The following PARP6 variants were observed in gnomAD, a reference collection of about 807,000 sequenced individuals.
The protein encoded by PARP6 is poly(ADP-ribose) polymerase family member 6.
PARP6 carries 27 observed loss-of-function variants against 92.0 expected under a neutral mutation model. That is an observed-to-expected ratio of 0.29 (90% CI 0.22 to 0.40). The LOEUF is 0.40. Ranked by LOEUF, PARP6 falls within the 10% of genes least tolerant of loss-of-function variation. PARP6 has a pLI of 1.00. For synonymous variants in PARP6, 272 were observed against 281.2 expected (o/e 0.97, Z 0.33); for missense variants, 501 against 784.5 (o/e 0.64, Z 4.32).
chr15:72,253,583 T>C (rs1340503065), intron 15 of PARP6, 79 bp from the exon 16 acceptor site: 6 of 1,247,994 alleles, frequency 4.8e-6, no homozygotes, highest in African/African-American at 1.5e-5. Flanking sequence ...AGAGTGACTA[T>C]TAGGGTCCAG....
intron 3 of PARP6, chr15:72,267,108 T>G: frequency 2.0e-6 from 1 of 510,886 alleles, no homozygotes. Flanking sequence ...TGGTAGCCAG[T>G]AGGAAAGAAA....
In PARP6 at chr15:72,241,520, T is replaced by A. The variant is rs2083054659; in HGVS notation, c.1828A>T (p.Thr610Ser). ...TCCTTCTGTATCTTGGGGTCCTGAG[T>A]ATTAATGTTGGCATCGCCCACCTGA... ...DGQVGDANIN[T>S]QDPKIQKEIM... The change falls in exon 24 of 24, where the codon ACT becomes TCT. Residue 610 changes from threonine (T) to serine (S), a missense_variant. Thr to Ser is a moderately conservative substitution (Grantham distance 58, BLOSUM62 1). This residue lies in a region of PARP6 where 191 missense variants were observed against 399.1 expected (regional missense o/e 0.48). Coordinates refer to ENST00000569795, the MANE Select transcript of PARP6 (RefSeq NM_001323532.2). The surrounding 1 kb of genome is among the most constrained non-coding windows in gnomAD (Gnocchi z 4.1). 1.9e-6 allele frequency: 3 copies of A among 1,614,084 alleles called. No individual in the cohort carries two copies. The highest frequency in any genetic ancestry group is 2.5e-6 in the Non-Finnish European group (3 of 1,179,964).
At chr15:72,260,804 C>G (rs2085770264) in intron 9 of PARP6, 116 bp from the exon 10 acceptor site, 1 of 750,498 alleles carries the variant, frequency 1.3e-6, no homozygotes, top group East Asian at 2.5e-5. Context: ...AAGACAAACT[C>G]ATATCTGAGG....
chr15:72,271,530 A>G (rs571184562), intron 1 of PARP6, among the ~76,000 whole-genome samples: 3 of 152,222 alleles, frequency 2.0e-5, no homozygotes, highest in Non-Finnish European at 4.4e-5. Context: ...ATTAGCCGGA[A>G]ACGTGGCCTA....
rs1056926030 is a variant in PARP6, at chr15:72,261,811, G to A, written c.396-104C>T. On this transcript the variant is annotated intron_variant, in intron 8 of 23. Coordinates refer to ENST00000569795, the MANE Select transcript of PARP6 (RefSeq NM_001323532.2). ...AAAATTCAGACCCAAGGACTGCAAAGCTAGTTGTGGTAGGGGAATGTGTAT... is the reference window on the plus strand; with the variant it reads ...AAAATTCAGACCCAAGGACTGCAAAACTAGTTGTGGTAGGGGAATGTGTAT... 4 of 1,091,402 alleles carry A rather than the reference G, an allele frequency of 3.7e-6. No homozygotes were observed. In the East Asian group the frequency reaches 7.1e-5, roughly 19 times the overall value. 67.6% of individuals were successfully genotyped at this position (1,091,402 alleles called of 1,614,324 possible).
intron 14 of PARP6, among the ~76,000 whole-genome samples, chr15:72,255,780 C>T (rs1015155996): frequency 6.4e-5 from 4 of 62,602 alleles, no homozygotes; most frequent in African/African-American, 1.3e-4. Context: ...TATATTACTT[C>T]TCTCTTTTTT....
intron 16 of PARP6, among the ~76,000 whole-genome samples, chr15:72,252,232 A>T (rs1209241940): frequency 2.6e-5 from 4 of 152,200 alleles, no homozygotes; most frequent in Non-Finnish European, 5.9e-5. Context: ...GCAGGAGGAG[A>T]CAGACGTCTC....
Position 72,267,578 on chromosome 15 carries a change from C to T in PARP6, c.-101G>A, listed in dbSNP as rs1355820886. ...AACGAGATGGGCATTTAGGAGACCACAAAGGGAGACAAGGTAGGGCACGAT... is the reference window on the plus strand; with the variant it reads ...AACGAGATGGGCATTTAGGAGACCATAAAGGGAGACAAGGTAGGGCACGAT... On this transcript the variant is annotated 5_prime_UTR_variant, in exon 3 of 24. In the 5' UTR this introduces an upstream ATG that the reference lacks. Transcript: ENST00000569795. 10 of 1,260,096 alleles carry T rather than the reference C, an allele frequency of 7.9e-6. No homozygotes were observed. The highest frequency in any genetic ancestry group is 1.2e-5 in the Non-Finnish European group (10 of 859,842). The allele number at this position is 1,260,096 out of a possible 1,614,324, so 78.1% of individuals were successfully genotyped here.
chr15:72,264,967 C>A, intron 7 of PARP6, 114 bp downstream of exon 7: 1 of 697,012 alleles, frequency 1.4e-6, no homozygotes, highest in Non-Finnish European at 2.6e-6. Flanking sequence ...CTACCAATAG[C>A]CTGCAGATTG....
rs2083159206 is a variant in PARP6, at chr15:72,242,416, A to G, written c.1642-196T>C. 6.6e-6 allele frequency among the ~76,000 whole-genome samples: 1 copy of G among 152,178 alleles called. No individual in the cohort carries two copies. Among genetic ancestry groups the G allele is most frequent in the South Asian group, 2.1e-4 (1 of 4,826 alleles). On this transcript the variant is annotated intron_variant, in intron 21 of 23. Transcript: ENST00000569795. This position sits in a 1 kb window ranked among gnomAD's most constrained non-coding sequence, Gnocchi z 4.3. ...TCACAGCTTCCATCTTTACATTTTCATCTAAACTCAGCCTCTGCTTTTATA... is the reference window on the plus strand; with the variant it reads ...TCACAGCTTCCATCTTTACATTTTCGTCTAAACTCAGCCTCTGCTTTTATA...
chr15:72,256,315 G>T, intron 14 of PARP6, 150 bp downstream of exon 14: 2 of 533,790 alleles, frequency 3.7e-6, no homozygotes, highest in Non-Finnish European at 5.9e-6. Flanking sequence ...TGTCAAACTT[G>T]GCTATTTATT....
chr15:72,249,827 G>A (rs755039944), intron 19 of PARP6, among the ~76,000 whole-genome samples, 193 bp downstream of exon 19: 5 of 152,046 alleles, frequency 3.3e-5, no homozygotes, highest in Non-Finnish European at 7.4e-5. Context: ...CCAAAAAAAC[G>A]CAGACTGAGA....
rs563439338 is a variant in PARP6, at chr15:72,241,469, C to A, written c.1879G>T (p.Val627Phe). The A allele has an allele frequency of 6.2e-7, 1 of 1,613,696 alleles. No individual in the cohort carries two copies. The highest frequency in any genetic ancestry group is 2.2e-5 in the East Asian group (1 of 44,884). The change falls in exon 24 of 24, where the codon GTT (valine) becomes TTT (phenylalanine). Residue 627 changes from valine to phenylalanine, a missense_variant. Physicochemically the swap from Val to Phe is conservative, Grantham distance 50. Coordinates refer to ENST00000569795, the MANE Select transcript of PARP6 (RefSeq NM_001323532.2). The surrounding 1 kb of genome is among the most constrained non-coding windows in gnomAD (Gnocchi z 4.1). ...KEIMRVIGTQ[V>F]YTN is the part of the protein sequence containing the mutation. ...CTGGGGCCCCCTCAGTTTGTGTAAA[C>A]CTGAGTTCCGATCACACGCATGATT... is the stretch of plus-strand genomic sequence containing the variant.
intron 20 of PARP6, among the ~76,000 whole-genome samples, chr15:72,248,948 C>T (rs772920430): frequency 6.6e-6 from 1 of 152,224 alleles, no homozygotes; most frequent in Non-Finnish European, 1.5e-5. Flanking sequence ...ATTGCCAACA[C>T]CAAACGTGTT....
intron 7 of PARP6, 83 bp from the exon 8 acceptor site, chr15:72,264,704 C>T: frequency 9.5e-7 from 1 of 1,055,646 alleles, no homozygotes; most frequent in Non-Finnish European, 1.5e-6. Context: ...AGCTTCCATA[C>T]ATTCTAAAGA....
At chr15:72,254,603 C>T (rs1264316999) in intron 14 of PARP6, 83 bp from the exon 15 acceptor site, 25 of 1,028,228 alleles carry the variant, frequency 2.4e-5, no homozygotes, top group Non-Finnish European at 3.7e-5. Flanking sequence ...GCTAGATGTA[C>T]CAAAAAAGTC....
chr15:72,269,916 AAAG>A (rs754674536), intron 2 of PARP6, among the ~76,000 whole-genome samples: 3,930 of 149,304 alleles, frequency 0.026, 93 homozygotes, highest in African/African-American at 0.063. Context: ...AAAAAAAAAA[AAAG>A]AAAAAGAAAA....
chr15:72,253,169 T>A, intron 16 of PARP6, among the ~76,000 whole-genome samples: 1 of 71,890 alleles, frequency 1.4e-5, no homozygotes. Context: ...AGTGAGACCC[T>A]ATCTCAAAAA....
At chr15:72,255,263 G>T (rs2084915873) in intron 14 of PARP6, among the ~76,000 whole-genome samples, 1 of 151,926 alleles carries the variant, frequency 6.6e-6, no homozygotes, top group Admixed American at 6.6e-5. Context: ...TTTTGGTTTT[G>T]TTTTTTTGAG....
Sources: allele counts gnomAD v4.1 joint callset (sites outside exome capture counted in the v4.1 genomes callset), GRCh38; gene constraint gnomAD v4.1.1; regional missense constraint gnomAD v4.1.1; non-coding constraint Gnocchi (gnomAD v3.1); transcripts MANE v1.5; gene names NCBI Gene and HGNC (gene_info 2026-07-23, HGNC 2026-07-21).